The following TCF4 variants were observed in gnomAD, a reference collection of about 807,000 sequenced individuals.
TCF4 encodes the protein transcription factor 4, also known as SL3-3 enhancer factor 2.
A neutral mutation model predicts 82.1 loss-of-function variants in TCF4; 3 were observed. That is an observed-to-expected ratio of 0.04 (90% CI 0.02 to 0.09). The LOEUF is 0.09. Among genes scored for constraint, TCF4 ranks in the 10% least tolerant of loss-of-function variants. The probability of loss-of-function intolerance (pLI) is 1.00; values close to 1 mark genes in which losing one functional copy is unlikely to be tolerated. For synonymous variants in TCF4, 276 were observed against 309.6 expected (o/e 0.89, Z 1.14); for missense variants, 518 against 852.7 (o/e 0.61, Z 4.89).
At chr18:55,540,343 T>G (rs542337276) in intron 3 of TCF4, among the ~76,000 whole-genome samples, 1 of 152,130 alleles carries the variant, frequency 6.6e-6, no homozygotes, top group African/African-American at 2.4e-5. Context: ...TTTCACTAAT[T>G]ATGATATTTT....
rs577332370 is a variant in TCF4 at position 55,332,300 on chromosome 18, C to T, written c.549+18059G>A. The stretch of plus-strand genomic sequence containing the variant: ...GTCCTTTCCAACACATTCCGTTTAT[C>T]TAGATTTGAGGCAGTACAGAAAAAA... On this transcript the variant is annotated intron_variant, in intron 8 of 19. Coordinates refer to ENST00000354452, the MANE Select transcript of TCF4 (RefSeq NM_001083962.2). 21 of 147,684 alleles carry T rather than the reference C, an allele frequency of 1.4e-4. No homozygotes were observed. The East Asian group carries it at 4.2e-3, about 29-fold the overall frequency. 9.1% of individuals were successfully genotyped at this position (147,684 alleles called of 1,614,324 possible).
chr18:55,545,927 TC>T (rs879533474), intron 3 of TCF4, among the ~76,000 whole-genome samples: 3 of 152,208 alleles, frequency 2.0e-5, no homozygotes, highest in Admixed American at 2.0e-4. Flanking sequence ...GGTATTTTTT[TC>T]CCCCATAACT....
At chr18:55,266,346 A>G (rs975644155) in intron 11 of TCF4, 1 of 152,204 alleles carries the variant, frequency 6.6e-6, no homozygotes, top group Non-Finnish European at 1.5e-5. Flanking sequence ...GAGAATACCC[A>G]GTGGCATAAC....
At position 55,408,194 on chromosome 18, in the gene TCF4, G is replaced by A. The variant is rs116913543; in HGVS notation, c.305-4676C>T. 9.6e-3 allele frequency among the ~76,000 whole-genome samples: 1,455 copies of A among 152,218 alleles called. 14 individuals carry two copies. The highest frequency in any genetic ancestry group is 0.027 in the Middle Eastern group (8 of 292). ...ATAAATGGTAGGTGTTTCACCCACC[G>A]CTGAAATAGATTCATCTATATGGGA... On this transcript the variant is annotated intron_variant, in intron 5 of 19. Transcript: ENST00000354452.
At chr18:55,272,898 G>T (rs2060678853) in intron 10 of TCF4, among the ~76,000 whole-genome samples, 1 of 152,044 alleles carries the variant, frequency 6.6e-6, no homozygotes, top group Admixed American at 6.6e-5. Flanking sequence ...AAAAATAAAA[G>T]AAAACAGAAC....
At chr18:55,624,656 T>G (rs1231467973) in intron 2 of TCF4, among the ~76,000 whole-genome samples, 4 of 152,036 alleles carry the variant, frequency 2.6e-5, no homozygotes, top group Admixed American at 2.0e-4. Flanking sequence ...TTTCCTTCTC[T>G]TCTTTGACTC....
chr18:55,568,727 G>A (rs2097432098), intron 3 of TCF4, among the ~76,000 whole-genome samples: 1 of 152,082 alleles, frequency 6.6e-6, no homozygotes, highest in Admixed American at 6.6e-5. Context: ...AGAGAATACA[G>A]AGTGAGAACA....
At position 55,228,295 on chromosome 18, in the gene TCF4, G is replaced by A. The variant is rs2144365633; in HGVS notation, c.1946C>T (p.Pro649Leu). The A allele has an allele frequency of 1.2e-6, 2 of 1,614,108 alleles. No individual in the cohort carries two copies. Among genetic ancestry groups the A allele is most frequent in the Non-Finnish European group, 1.7e-6 (2 of 1,180,010 alleles). ...TGGGCCGGCCAAGGAGAGAGGGGGA[G>A]GCTCTGAGGACACCTTCTCTTCCTC... Reference protein sequence around the residue: ...RREEEKVSSEPPPLSLAGPHP... With the variant: ...RREEEKVSSELPPLSLAGPHP... The change falls in exon 19 of 20, where the codon CCT becomes CTT. Residue 649 changes from proline to leucine, a missense_variant. Around this residue, in one of 7 missense-constraint regions of TCF4, gnomAD observed 40 missense variants for 41.5 expected, o/e 0.96. Coordinates refer to ENST00000354452, the MANE Select transcript of TCF4 (RefSeq NM_001083962.2).
rs146665281 is a variant in TCF4 at position 55,561,025 on chromosome 18, C to A, written c.145+24255G>T. The stretch of plus-strand genomic sequence containing the variant: ...TGGCCCTAGCCAAACTTTGAGTATC[C>A]CATCCTTCACCTGTCTTCATGACTC... On this transcript the variant is annotated intron_variant, in intron 3 of 19. Coordinates refer to ENST00000354452, the MANE Select transcript of TCF4 (RefSeq NM_001083962.2). Among the ~76,000 whole-genome samples the A allele has an allele frequency of 9.8e-5, 15 of 152,324 alleles. 1 individual carries two copies. The highest frequency in any genetic ancestry group is 4.4e-5 in the Non-Finnish European group (3 of 68,018).
rs1267472062 is a variant in TCF4 at position 55,422,140 on chromosome 18, A to C, written c.305-18622T>G. ...CACTATCATCCAAAAAAAAAAAAAA[A>C]AAAAAAAACCCACCCTGAATAGAGA... On this transcript the variant is annotated intron_variant, in intron 5 of 19. Transcript: ENST00000354452. 4.5e-3 allele frequency: 3,964 copies of C among 886,428 alleles called. 19 individuals carry two copies. Among genetic ancestry groups the C allele is most frequent in the Non-Finnish European group, 4.9e-3 (3,721 of 753,028 alleles). 54.9% of individuals were successfully genotyped at this position (886,428 alleles called of 1,614,324 possible). A position where few individuals can be genotyped will look rare whatever the true frequency, so the allele number is the denominator to read the frequency against.
chr18:55,347,482 G>A (rs373140952), intron 8 of TCF4, among the ~76,000 whole-genome samples: 25 of 152,148 alleles, frequency 1.6e-4, no homozygotes, highest in Non-Finnish European at 2.6e-4. Context: ...CCACAGTGAC[G>A]TGAGGTCTCT....
chr18:55,319,211 T>C (rs921001000), intron 8 of TCF4, among the ~76,000 whole-genome samples: 3 of 152,122 alleles, frequency 2.0e-5, no homozygotes, highest in African/African-American at 7.2e-5. Flanking sequence ...ACTCAAGAAA[T>C]GTAAAGTCTC....
intron 3 of TCF4, among the ~76,000 whole-genome samples, chr18:55,566,082 G>A (rs376542759): frequency 4.0e-5 from 6 of 151,642 alleles, no homozygotes; most frequent in Middle Eastern, 3.4e-3. Flanking sequence ...GCGTGGTGAC[G>A]GGTGCCTGTA....
intron 3 of TCF4, among the ~76,000 whole-genome samples, chr18:55,528,357 A>C (rs987411714): frequency 6.6e-6 from 1 of 152,340 alleles, no homozygotes; most frequent in African/African-American, 2.4e-5. Flanking sequence ...CACATTCAGA[A>C]ACATCACCAT....
Position 55,261,334 on chromosome 18 carries a change from G to A in TCF4, c.990+132C>T, listed in dbSNP as rs73488958. On this transcript the variant is annotated intron_variant, in intron 12 of 19. Transcript: ENST00000354452. ...TCTCAAATTTTCCAGTGACTGTTAT[G>A]CAAGAAAGCTAGCATTTTCCAAAAA... is the stretch of plus-strand genomic sequence containing the variant. The A allele has an allele frequency of 4.5e-4, 491 of 1,092,546 alleles. No individual in the cohort carries two copies. In the African/African-American group the frequency reaches 6.9e-3, roughly 15 times the overall value. 67.7% of individuals were successfully genotyped at this position (1,092,546 alleles called of 1,614,324 possible). A position where few individuals can be genotyped will look rare whatever the true frequency, so the allele number is the denominator to read the frequency against.
chr18:55,413,513 G>A (rs114435270), intron 5 of TCF4, among the ~76,000 whole-genome samples: 1 of 152,106 alleles, frequency 6.6e-6, no homozygotes, highest in Non-Finnish European at 1.5e-5. Flanking sequence ...TGCCAGATAC[G>A]CAGGGCCACA....
intron 3 of TCF4, among the ~76,000 whole-genome samples, chr18:55,542,181 A>G (rs990501160): frequency 2.6e-5 from 4 of 152,016 alleles, no homozygotes; most frequent in Non-Finnish European, 5.9e-5. Flanking sequence ...AAGAACTACT[A>G]AAGTGTGTGA....
intron 9 of TCF4, among the ~76,000 whole-genome samples, chr18:55,276,634 T>C (rs2061542097): frequency 6.6e-6 from 1 of 152,220 alleles, no homozygotes; most frequent in African/African-American, 2.4e-5. Context: ...AGGGAAAAGA[T>C]GATCTACATT....
At chr18:55,445,564 C>A (rs2144113469) in intron 5 of TCF4, among the ~76,000 whole-genome samples, 1 of 152,178 alleles carries the variant, frequency 6.6e-6, no homozygotes, top group South Asian at 2.1e-4. Flanking sequence ...AAAACCCACC[C>A]CCCATGATTC....
Sources: allele counts gnomAD v4.1 joint callset (sites outside exome capture counted in the v4.1 genomes callset), GRCh38; gene constraint gnomAD v4.1.1; regional missense constraint gnomAD v4.1.1; transcripts MANE v1.5; gene names NCBI Gene and HGNC (gene_info 2026-07-23, HGNC 2026-07-21).